Variants in DIAPH2 observed in about 807,000 individuals in gnomAD.
The protein encoded by DIAPH2 is protein diaphanous homolog 2.
In DIAPH2, 35 loss-of-function variants were observed where a neutral mutation model predicts 92.7. The ratio of observed to expected loss-of-function variants is 0.38; its 90% CI spans 0.29 to 0.50. The LOEUF is 0.50. Ranked by LOEUF, DIAPH2 falls within the 20% of genes least tolerant of loss-of-function variation. The probability of loss-of-function intolerance (pLI) is 0.94; values close to 1 mark genes in which losing one functional copy is unlikely to be tolerated. For synonymous variants in DIAPH2, 301 were observed against 280.4 expected (o/e 1.07, Z -0.73); for missense variants, 701 against 819.5 (o/e 0.86, Z 1.77).
At chrX:96,813,149 G>A (rs1387593133) in intron 4 of DIAPH2, among the ~76,000 whole-genome samples, 1 of 110,803 alleles carries the variant, frequency 9.0e-6, no homozygotes, top group African/African-American at 3.3e-5. Context: ...TTATTGTGTG[G>A]GAGTCTAAGT....
chrX:96,793,391 G>T (rs944530466), intron 4 of DIAPH2, among the ~76,000 whole-genome samples: 1 of 112,479 alleles, frequency 8.9e-6, no homozygotes, highest in Non-Finnish European at 1.9e-5. Flanking sequence ...GTCGTCTCCA[G>T]CTCCTGATCA....
intron 26 of DIAPH2, among the ~76,000 whole-genome samples, chrX:97,538,310 C>T (rs1050304777): frequency 1.8e-5 from 2 of 111,744 alleles, no homozygotes; most frequent in African/African-American, 6.5e-5. Flanking sequence ...AATATCTAGC[C>T]TGGTTTATCT....
chrX:97,241,225 T>C (rs1717604057), intron 22 of DIAPH2, among the ~76,000 whole-genome samples: 1 of 112,277 alleles, frequency 8.9e-6, no homozygotes, highest in Admixed American at 9.4e-5. Flanking sequence ...TAAAACTACT[T>C]AGAATAATGT....
At chrX:96,917,605 G>T (rs986205070) in intron 8 of DIAPH2, among the ~76,000 whole-genome samples, 3 of 111,055 alleles carry the variant, frequency 2.7e-5, no homozygotes, top group African/African-American at 9.8e-5. Context: ...TAACTGTTAT[G>T]ATTTAATTAT....
intron 10 of DIAPH2, among the ~76,000 whole-genome samples, chrX:96,935,362 A>G (rs1480725036): frequency 1.8e-5 from 2 of 111,664 alleles, no homozygotes; most frequent in Non-Finnish European, 3.8e-5. Context: ...GTATGTATAT[A>G]TGAATATATA....
chrX:97,435,466 G>A (rs1372324377), intron 26 of DIAPH2, among the ~76,000 whole-genome samples: 1 of 111,660 alleles, frequency 9.0e-6, no homozygotes, highest in East Asian at 2.8e-4. Context: ...TGCAGCATAG[G>A]AGTTAGAGTA....
intron 22 of DIAPH2, among the ~76,000 whole-genome samples, chrX:97,169,124 G>A (rs764459542): frequency 1.1e-4 from 4 of 36,362 alleles, no homozygotes; most frequent in East Asian, 3.2e-3. Flanking sequence ...GAATAATAAC[G>A]TCAGTGAGAG....
chrX:96,707,183 T>C (rs1283950639), intron 1 of DIAPH2, among the ~76,000 whole-genome samples: 3 of 109,155 alleles, frequency 2.7e-5, no homozygotes, highest in Admixed American at 9.8e-5. Context: ...GATTGATTGA[T>C]TTAGAGACAG....
At chrX:96,929,543 A>G (rs1286740674) in intron 9 of DIAPH2, among the ~76,000 whole-genome samples, 1 of 111,440 alleles carries the variant, frequency 9.0e-6, no homozygotes, top group Non-Finnish European at 1.9e-5. Flanking sequence ...CAACTTAAAT[A>G]TATAAGATAC....
At chrX:97,017,280 A>G (rs5966621) in intron 17 of DIAPH2, among the ~76,000 whole-genome samples, 35,037 of 111,269 alleles carry the variant, frequency 0.31, 5,004 homozygotes, top group South Asian at 0.53. Flanking sequence ...TATTTACTAT[A>G]CATTAGTTGT....
rs1373152798 is a variant in DIAPH2, at chrX:97,195,714, A to G, written c.2720-52001A>G. Among the ~76,000 whole-genome samples, 11 of 110,286 alleles carry G rather than the reference A, an allele frequency of 1.0e-4. No individual in the cohort carries two copies. The Admixed American group carries it at 1.1e-3, about 11-fold the overall frequency. On this transcript the variant is annotated intron_variant, in intron 22 of 26. Transcript: ENST00000324765. ...TTGCTAATAAATGGAAAGTAATACAAAAAGTCTAAGCCCGCACTGGCCTAC... is the reference window on the plus strand; with the variant it reads ...TTGCTAATAAATGGAAAGTAATACAGAAAGTCTAAGCCCGCACTGGCCTAC...
At chrX:96,933,242 G>T (rs1357842805) in intron 10 of DIAPH2, among the ~76,000 whole-genome samples, 3 of 110,344 alleles carry the variant, frequency 2.7e-5, no homozygotes, top group Admixed American at 9.6e-5. Context: ...AAAATCCTCC[G>T]CAGGTATTTC....
At chrX:96,756,055 G>A (rs1209845961) in intron 3 of DIAPH2, among the ~76,000 whole-genome samples, 1 of 111,184 alleles carries the variant, frequency 9.0e-6, no homozygotes, top group South Asian at 3.9e-4. Flanking sequence ...TTATAGAAGC[G>A]AGGTCTTGCT....
chrX:97,082,151 CG>C (rs1322023005), intron 19 of DIAPH2, among the ~76,000 whole-genome samples: 4 of 107,670 alleles, frequency 3.7e-5, no homozygotes, highest in African/African-American at 1.0e-4. Context: ...TTTAGCAAAA[CG>C]TAAGTCTCAC....
intron 17 of DIAPH2, among the ~76,000 whole-genome samples, chrX:97,046,942 G>A (rs1374502179): frequency 9.0e-6 from 1 of 111,070 alleles, no homozygotes; most frequent in African/African-American, 3.3e-5. Flanking sequence ...TGTTACTTTC[G>A]GTGGTCGGGG....
At chrX:96,870,891 A>G (rs1486694702) in intron 4 of DIAPH2, among the ~76,000 whole-genome samples, 6 of 112,093 alleles carry the variant, frequency 5.4e-5, no homozygotes, top group Non-Finnish European at 1.1e-4. Context: ...ATAATCTGCA[A>G]AAGTATTATT....
At chrX:97,543,899 T>C (rs1175665635) in intron 26 of DIAPH2, among the ~76,000 whole-genome samples, 1 of 112,065 alleles carries the variant, frequency 8.9e-6, no homozygotes, top group Non-Finnish European at 1.9e-5. Flanking sequence ...ATTTTGACTC[T>C]CTTAAAAGTT....
At chrX:96,810,354 T>G (rs771465155) in intron 4 of DIAPH2, among the ~76,000 whole-genome samples, 173 of 112,315 alleles carry the variant, frequency 1.5e-3, no homozygotes, top group South Asian at 8.2e-3. Flanking sequence ...CACCCACTTT[T>G]TGATGGGGTT....
chrX:97,328,574 T>A (rs1227470408), intron 23 of DIAPH2, among the ~76,000 whole-genome samples: 1 of 111,980 alleles, frequency 8.9e-6, no homozygotes, highest in African/African-American at 3.2e-5. Context: ...TCAATCTGAT[T>A]TAGATAAATG....
Sources: gnomAD v4.1 joint callset for allele counts (sites outside exome capture counted in the v4.1 genomes callset) on GRCh38, gnomAD v4.1.1 for gene constraint, MANE v1.5 for transcripts, NCBI Gene and HGNC (gene_info 2026-07-23, HGNC 2026-07-21) for gene names.